Variants in HLCS observed in about 807,000 individuals in gnomAD.
The protein encoded by HLCS is biotin--protein ligase.
Under a neutral mutation model 75.0 loss-of-function variants are expected in HLCS, and 53 were observed. The ratio of observed to expected loss-of-function variants is 0.71; its 90% CI spans 0.57 to 0.89. HLCS has a LOEUF of 0.89. HLCS is among the 40% of genes least tolerant of loss of function. The probability of loss-of-function intolerance (pLI) is 0.00; values close to 1 mark genes in which losing one functional copy is unlikely to be tolerated. For synonymous variants in HLCS, 431 were observed against 428.6 expected, an observed-to-expected ratio of 1.01 and a Z score of -0.07; for missense variants, 966 against 1,074.0, an observed-to-expected ratio of 0.90 and a Z score of 1.41.
chr21:36,767,122 G>T, intron 7 of HLCS, 96 bp downstream of exon 7: 1 of 1,193,188 alleles, frequency 8.4e-7, no homozygotes, highest in Non-Finnish European at 1.3e-6. Context: ...GAGTCCCCCA[G>T]ATGATCAGCA....
rs535651773 is a variant in HLCS, at chr21:36,940,736, G to A, written c.331-1742C>T. Among the ~76,000 whole-genome samples the A allele has an allele frequency of 3.7e-4, 57 of 152,236 alleles. No individual in the cohort carries two copies. The South Asian group carries it at 0.01, about 27-fold the overall frequency. ...AGCAACTTGGGTTTCAAAAGTCATC[G>A]TCCAACTGGCATAAGCATAGACATA... On this transcript the variant is annotated intron_variant, in intron 2 of 10. Coordinates refer to ENST00000674895, the MANE Select transcript of HLCS (RefSeq NM_001352514.2).
At chr21:36,817,734 T>C (rs931520289) in intron 6 of HLCS, among the ~76,000 whole-genome samples, 1 of 152,268 alleles carries the variant, frequency 6.6e-6, no homozygotes, top group Non-Finnish European at 1.5e-5. Context: ...GGAATGTTTA[T>C]GCCTAAAAAA....
In HLCS at chr21:36,936,693, G is replaced by T. The variant is rs2066899635; in HGVS notation, c.1193C>A (p.Thr398Asn). Reference protein sequence around the residue: ...GKVLGLSSSFTFGGFQVTSKG... With the variant: ...GKVLGLSSSFNFGGFQVTSKG... Reference sequence around the variant, plus strand: ...GCTTGTCACCTGAAAGCCACCAAAGGTGAAGGATGAAGACAGGCCCAACAC... The same window carrying T: ...GCTTGTCACCTGAAAGCCACCAAAGTTGAAGGATGAAGACAGGCCCAACAC... The change falls in exon 4 of 11, where the codon ACC becomes AAC. Residue 398 changes from threonine (T) to asparagine (N), a missense_variant. Thr to Asn is a moderately conservative substitution (Grantham distance 65). Transcript: ENST00000674895. 9 of 1,614,204 alleles carry T rather than the reference G, an allele frequency of 5.6e-6. No homozygotes were observed. The highest frequency in any genetic ancestry group is 7.6e-6 in the Non-Finnish European group (9 of 1,180,048).
intron 5 of HLCS, among the ~76,000 whole-genome samples, chr21:36,907,908 C>T (rs1446528403): frequency 6.6e-6 from 1 of 152,074 alleles, no homozygotes; most frequent in African/African-American, 2.4e-5. Flanking sequence ...CACCATTTGG[C>T]AACAGGAAAA....
At chr21:36,933,573 CA>C (rs1321446552) in intron 4 of HLCS, among the ~76,000 whole-genome samples, 1 of 101,494 alleles carries the variant, frequency 9.9e-6, no homozygotes, top group African/African-American at 3.7e-5. Context: ...AAAAAAAAAA[CA>C]ATCTGTATCC....
chr21:36,790,260 T>C lies in HLCS; in HGVS notation c.1893-22975A>G, dbSNP rs543162167. On this transcript the variant is annotated intron_variant, in intron 6 of 10. Transcript: ENST00000674895. ...CTCTACTAAAAATACAAAAATTAGC[T>C]GGGTGTGGTGGGGTGCACCTGTAAT... 3.3e-5 allele frequency among the ~76,000 whole-genome samples: 5 copies of C among 152,106 alleles called. No individual in the cohort carries two copies. In the South Asian group the frequency reaches 8.3e-4, roughly 25 times the overall value.
rs987787397 is a variant in HLCS, at chr21:36,900,525, G to A, written c.1621-3394C>T. 5.3e-4 allele frequency among the ~76,000 whole-genome samples: 80 copies of A among 152,138 alleles called. 1 individual carries two copies. Among genetic ancestry groups the A allele is most frequent in the Admixed American group, 5.2e-3 (80 of 15,274 alleles). ...GGGCCTCAAAGGCCACAGTAAGGAC[G>A]GGGCTTTCACTCGAGGAGCAACAGG... On this transcript the variant is annotated intron_variant, in intron 5 of 10. Transcript: ENST00000674895.
chr21:36,863,746 T>C (rs747599094), intron 6 of HLCS, among the ~76,000 whole-genome samples: 1 of 152,216 alleles, frequency 6.6e-6, no homozygotes, highest in Non-Finnish European at 1.5e-5. Flanking sequence ...TCTCTTTGTA[T>C]CATTTCTTCT....
At chr21:36,780,894 G>C (rs1024414955) in intron 6 of HLCS, among the ~76,000 whole-genome samples, 1 of 152,026 alleles carries the variant, frequency 6.6e-6, no homozygotes, top group Non-Finnish European at 1.5e-5. Flanking sequence ...AAAGTTAAGA[G>C]TTTCTTATAT....
At chr21:36,920,122 CA>C in intron 5 of HLCS, among the ~76,000 whole-genome samples, 1 of 152,148 alleles carries the variant, frequency 6.6e-6, no homozygotes, top group South Asian at 2.1e-4. Context: ...TGTCTGAGCC[CA>C]GAAATTTGAG....
intron 2 of HLCS, 68 bp from the exon 3 acceptor site, chr21:36,939,062 C>T (rs1204393285): frequency 3.5e-6 from 5 of 1,418,386 alleles, no homozygotes; most frequent in Non-Finnish European, 3.8e-6. Context: ...CTAAAATAAC[C>T]ACATACTTTA....
At chr21:36,865,573 A>G (rs1457432031) in intron 6 of HLCS, among the ~76,000 whole-genome samples, 1 of 152,128 alleles carries the variant, frequency 6.6e-6, no homozygotes, top group Non-Finnish European at 1.5e-5. Context: ...CCTCTCCTAA[A>G]CATACCCAGA....
At chr21:36,803,345 C>T (rs557234962) in intron 6 of HLCS, among the ~76,000 whole-genome samples, 54 of 152,310 alleles carry the variant, frequency 3.5e-4, no homozygotes, top group Non-Finnish European at 5.9e-4. Flanking sequence ...ATCAGTATTT[C>T]GATGTTCAGC....
intron 6 of HLCS, among the ~76,000 whole-genome samples, chr21:36,884,994 T>A (rs1463970626): frequency 1.3e-5 from 2 of 152,006 alleles, no homozygotes; most frequent in Admixed American, 1.3e-4. Context: ...AAATGATAAC[T>A]AAAGGGTTAA....
intron 6 of HLCS, among the ~76,000 whole-genome samples, chr21:36,807,879 G>C (rs1480605871): frequency 6.6e-6 from 1 of 151,852 alleles, no homozygotes; most frequent in East Asian, 1.9e-4. Flanking sequence ...TTATATTATG[G>C]GCACATTGCA....
chr21:36,889,965 G>T (rs938640396), intron 6 of HLCS, among the ~76,000 whole-genome samples: 3 of 152,184 alleles, frequency 2.0e-5, no homozygotes, highest in Non-Finnish European at 1.5e-5. Flanking sequence ...CCAAGGGAGA[G>T]ACTGGGTGGA....
intron 5 of HLCS, among the ~76,000 whole-genome samples, chr21:36,921,221 C>T (rs1201187671): frequency 3.9e-5 from 6 of 152,120 alleles, no homozygotes; most frequent in Admixed American, 6.5e-5. Context: ...CCGAGGCAGG[C>T]GGATCACAAG....
At chr21:36,806,568 A>G (rs1338014243) in intron 6 of HLCS, among the ~76,000 whole-genome samples, 1 of 152,186 alleles carries the variant, frequency 6.6e-6, no homozygotes, top group Non-Finnish European at 1.5e-5. Context: ...AGATGGAAAG[A>G]TGAAGAAATG....
intron 6 of HLCS, among the ~76,000 whole-genome samples, chr21:36,783,021 T>A (rs758714704): frequency 6.6e-6 from 1 of 152,042 alleles, no homozygotes; most frequent in African/African-American, 2.4e-5. Flanking sequence ...CAGAAACAGA[T>A]GAGAACATAT....
Sources: gnomAD v4.1 joint callset for allele counts (sites outside exome capture counted in the v4.1 genomes callset) on GRCh38, gnomAD v4.1.1 for gene constraint, MANE v1.5 for transcripts, NCBI Gene and HGNC (gene_info 2026-07-23, HGNC 2026-07-21) for gene names.